The following SPEN variants were observed in gnomAD, a reference collection of about 807,000 sequenced individuals.
SPEN encodes spen family transcriptional repressor.
In SPEN, 18 loss-of-function variants were observed where a neutral mutation model predicts 269.9. The ratio of observed to expected loss-of-function variants is 0.07; its 90% CI spans 0.05 to 0.10. SPEN has a LOEUF of 0.10. Ranked by LOEUF, SPEN falls within the 10% of genes least tolerant of loss-of-function variation. The pLI is 1.00. For synonymous variants in SPEN, 1,726 were observed against 1,765.7 expected (o/e 0.98, Z 0.56); for missense variants, 3,822 against 4,631.2 (o/e 0.83, Z 5.07).
chr1:15,936,369 G>T lies in SPEN; in HGVS notation c.10026+103G>T, dbSNP rs185654876. On this transcript the variant is annotated intron_variant, in intron 11 of 14. Coordinates refer to ENST00000375759, the MANE Select transcript of SPEN (RefSeq NM_015001.3). The stretch of plus-strand genomic sequence containing the variant: ...GTGAAAGAAATCAGGGGCCAGGTGT[G>T]GTGGCTTATGCCTGTAATCCCAGCA... 2,167 of 1,411,276 alleles carry T rather than the reference G, an allele frequency of 1.5e-3. 9 individuals are homozygous for T. Among genetic ancestry groups the T allele is most frequent in the Middle Eastern group, 8.6e-3 (45 of 5,224 alleles). 87.4% of individuals were successfully genotyped at this position (1,411,276 alleles called of 1,614,324 possible).
chr1:15,882,036 T>G (rs999801611), intron 3 of SPEN, among the ~76,000 whole-genome samples: 1 of 152,168 alleles, frequency 6.6e-6, no homozygotes, highest in Non-Finnish European at 1.5e-5. Context: ...AGATTGCTAG[T>G]GGGGTATTTC....
intron 1 of SPEN, among the ~76,000 whole-genome samples, chr1:15,849,678 C>G (rs1385883426): frequency 1.3e-5 from 2 of 152,104 alleles, no homozygotes; most frequent in Non-Finnish European, 2.9e-5. Context: ...GGGGAGACCA[C>G]GGGCTGGATT....
In SPEN at chr1:15,935,277, G is replaced by A; in HGVS notation, c.9037G>A (p.Val3013Ile). 1 of 1,614,106 alleles carries A rather than the reference G, an allele frequency of 6.2e-7. No individual in the cohort carries two copies. Among genetic ancestry groups the A allele is most frequent in the African/African-American group, 1.3e-5 (1 of 75,004 alleles). ...SGPSIPADRT[V>I]SHLAAAKLDA... ...GCCCAGCATCCCAGCAGATCGAACTGTCTCCCATTTGGCAGCTGCAAAGCT... is the reference window on the plus strand; with the variant it reads ...GCCCAGCATCCCAGCAGATCGAACTATCTCCCATTTGGCAGCTGCAAAGCT... Residue 3013 changes from valine (V) to isoleucine (I), a missense_variant, in exon 11 of 15, where the codon GTC becomes ATC. By Grantham distance (29) the Val-to-Ile change is conservative (BLOSUM62 3). Coordinates refer to ENST00000375759, the MANE Select transcript of SPEN (RefSeq NM_015001.3). This position sits in a 1 kb window ranked among gnomAD's most constrained non-coding sequence, Gnocchi z 7.7.
intron 3 of SPEN, among the ~76,000 whole-genome samples, chr1:15,892,361 T>G (rs543734899): frequency 7.9e-5 from 12 of 152,322 alleles, no homozygotes; most frequent in African/African-American, 2.9e-4. Context: ...ATTTGAAAAT[T>G]AAAATTTTGT....
chr1:15,932,819 T>G lies in SPEN; in HGVS notation c.6579T>G (p.Asp2193Glu), dbSNP rs1195286100. ...EASASAAYKA[D>E]APEGLAPEDR... ...CTGCCTCTGCTGCCTATAAGGCAGA[T>G]GCACCAGAGGGCCTTGCCCCAGAGG... is the stretch of plus-strand genomic sequence containing the variant. Residue 2193 changes from aspartate to glutamate, a missense_variant, in exon 11 of 15, where the codon GAT becomes GAG. By Grantham distance (45) the Asp-to-Glu change is conservative (BLOSUM62 2). Around this residue, in one of 16 missense-constraint regions of SPEN, gnomAD observed 727 missense variants for 737.9 expected, o/e 0.99. Transcript: ENST00000375759. This position sits in a 1 kb window ranked among gnomAD's most constrained non-coding sequence, Gnocchi z 4.2. The G allele has an allele frequency of 6.2e-7, 1 of 1,614,204 alleles. No individual in the cohort carries two copies. The highest frequency in any genetic ancestry group is 8.5e-7 in the Non-Finnish European group (1 of 1,180,034).
At chr1:15,923,075 AAAAT>A (rs1019734932) in intron 10 of SPEN, among the ~76,000 whole-genome samples, 19 of 152,314 alleles carry the variant, frequency 1.2e-4, no homozygotes, top group South Asian at 1.0e-3. Flanking sequence ...TTTAACTTAA[AAAAT>A]AAATAAATAA....
chr1:15,929,455 T>G lies in SPEN; in HGVS notation c.3215T>G (p.Ile1072Ser), dbSNP rs771235065. The G allele has an allele frequency of 6.2e-7, 1 of 1,613,398 alleles. No homozygotes were observed. The highest frequency in any genetic ancestry group is 8.5e-7 in the Non-Finnish European group (1 of 1,179,686). The change falls in exon 11 of 15, where the codon ATT (isoleucine) becomes AGT (serine). Residue 1072 changes from isoleucine (I) to serine (S), a missense_variant. Physicochemically the swap from Ile to Ser is moderately radical, Grantham distance 142. This residue lies in a region of SPEN where 572 missense variants were observed against 582.6 expected (regional missense o/e 0.98). Coordinates refer to ENST00000375759, the MANE Select transcript of SPEN (RefSeq NM_015001.3). This position sits in a 1 kb window ranked among gnomAD's most constrained non-coding sequence, Gnocchi z 5.8. ...AAAGACTGTCAGGAGCTTGCCAGTA[T>G]TTCTGTTGGGTCTGGCTCAAGGCCC... is the stretch of plus-strand genomic sequence containing the variant. ...SPKDCQELAS[I>S]SVGSGSRPSS...
chr1:15,931,987 A>G lies in SPEN; in HGVS notation c.5747A>G (p.Asn1916Ser), dbSNP rs751269551. 1.7e-5 allele frequency: 28 copies of G among 1,614,040 alleles called. 1 individual carries two copies. The Admixed American group carries it at 4.7e-4, about 27-fold the overall frequency. Residue 1916 changes from asparagine (N) to serine (S), a missense_variant, in exon 11 of 15, where the codon AAC (asparagine) becomes AGC (serine). Coordinates refer to ENST00000375759, the MANE Select transcript of SPEN (RefSeq NM_015001.3). This position sits in a 1 kb window ranked among gnomAD's most constrained non-coding sequence, Gnocchi z 4.8. The part of the protein sequence containing the change: ...SVYATMGDHE[N>S]RSPVKEPVEQ... ...TATGCAACCATGGGTGACCATGAAA[A>G]CCGCTCTCCTGTCAAAGAGCCCGTT...
chr1:15,930,655 CAAATTTTCG>C lies in SPEN; in HGVS notation c.4419_4427del (p.Phe1474_Asn1476del). ...TTTCTTGATTGGGACTCCCGATTTG[CAAATTTTCG>C]AAACAACAAAGATAAAGAAAAGGTT... On this transcript the variant is annotated inframe_deletion, in exon 11 of 15. Coordinates refer to ENST00000375759, the MANE Select transcript of SPEN (RefSeq NM_015001.3). This position sits in a 1 kb window ranked among gnomAD's most constrained non-coding sequence, Gnocchi z 5.3. The C allele has an allele frequency of 6.2e-7, 1 of 1,614,080 alleles. No individual in the cohort carries two copies. The highest frequency in any genetic ancestry group is 8.5e-7 in the Non-Finnish European group (1 of 1,180,012).
intron 10 of SPEN, 152 bp from the exon 11 acceptor site, chr1:15,927,939 A>T: frequency 1.5e-6 from 1 of 688,164 alleles, no homozygotes; most frequent in Non-Finnish European, 2.4e-6. Flanking sequence ...TTGAAGCTAT[A>T]GTGGATAGCT....
rs2070294976 is a variant in SPEN at position 15,848,296 on chromosome 1, C to G, written c.83+146C>G. On this transcript the variant is annotated intron_variant, in intron 1 of 14. Transcript: ENST00000375759. The surrounding 1 kb of genome is among the most constrained non-coding windows in gnomAD (Gnocchi z 5.1). ...GCGCTGTGGGACCTCGTCAGCCGCT[C>G]GGCCCGCGTCGCGGCGTTGGGCCTC... The G allele has an allele frequency of 2.1e-5, 9 of 428,886 alleles. No individual in the cohort carries two copies. In the South Asian group the frequency reaches 1.0e-3, roughly 49 times the overall value. The allele number at this position is 428,886 out of a possible 1,614,324, so 26.6% of individuals were successfully genotyped here.
chr1:15,862,531 C>T (rs1013401149), intron 1 of SPEN, among the ~76,000 whole-genome samples: 19 of 152,098 alleles, frequency 1.2e-4, no homozygotes, highest in Admixed American at 1.1e-3. Flanking sequence ...TTTTTATTTG[C>T]TCTAACCAGT....
intron 5 of SPEN, 108 bp downstream of exon 5, chr1:15,911,409 TA>T (rs1330340434): frequency 4.9e-6 from 4 of 809,130 alleles, no homozygotes; most frequent in Non-Finnish European, 8.1e-6. Context: ...ATTCTGGCTT[TA>T]TTTATTGACA....
At chr1:15,916,510 CTTTTTTT>C (rs34713584) in intron 6 of SPEN, among the ~76,000 whole-genome samples, 2 of 113,544 alleles carry the variant, frequency 1.8e-5, no homozygotes, top group Non-Finnish European at 3.6e-5. Flanking sequence ...TTTCTTACCT[CTTTTTTT>C]TTTTTTTTTT....
intron 10 of SPEN, among the ~76,000 whole-genome samples, chr1:15,925,843 C>T (rs2071160964): frequency 6.6e-6 from 1 of 152,154 alleles, no homozygotes; most frequent in Non-Finnish European, 1.5e-5. Context: ...GTCTTACTCA[C>T]TTTATAATAT....
At position 15,928,781 on chromosome 1, in the gene SPEN, C is replaced by T; in HGVS notation, c.2541C>T (p.Ser847=). The change falls in exon 11 of 15, where the codon AGC becomes AGT. Residue 847 remains serine, a synonymous_variant. Transcript: ENST00000375759. This position sits in a 1 kb window ranked among gnomAD's most constrained non-coding sequence, Gnocchi z 5.7. ...ACCAAGAAAATGAGCGAGAGCAAAG[C>T]CCTGAAAAGCCCAGGAGTTGTAATA... is the stretch of plus-strand genomic sequence containing the variant. ...ETDQENEREQ[S]PEKPRSCNKL... The T allele has an allele frequency of 6.2e-7, 1 of 1,614,060 alleles. No individual in the cohort carries two copies. Among genetic ancestry groups the T allele is most frequent in the South Asian group, 1.1e-5 (1 of 91,070 alleles).
chr1:15,938,922 G>A, intron 14 of SPEN, 46 bp downstream of exon 14: 1 of 1,594,176 alleles, frequency 6.3e-7, no homozygotes, highest in Non-Finnish European at 8.5e-7. Flanking sequence ...CCACAGGTGG[G>A]GCTGATCAGG....
chr1:15,910,335 C>G (rs1484124260), intron 4 of SPEN, among the ~76,000 whole-genome samples: 5 of 151,920 alleles, frequency 3.3e-5, no homozygotes, highest in South Asian at 2.1e-4. Context: ...CACAAGACCC[C>G]CAGATGGTAT....
rs757842259 is a variant in SPEN at position 15,934,868 on chromosome 1, C to T, written c.8628C>T (p.Gly2876=). The T allele has an allele frequency of 6.2e-7, 1 of 1,614,190 alleles. No individual in the cohort carries two copies. Among genetic ancestry groups the T allele is most frequent in the South Asian group, 1.1e-5 (1 of 91,078 alleles). The change falls in exon 11 of 15, where the codon GGC becomes GGT. Residue 2876 remains glycine (G), a synonymous_variant. Transcript: ENST00000375759. The surrounding 1 kb of genome is among the most constrained non-coding windows in gnomAD (Gnocchi z 9.2). The part of the protein sequence containing the change: ...PPSKGPQAPA[G]YANVATHSTL... ...CCAAAGGCCCTCAAGCTCCTGCAGG[C>T]TATGCGAACGTGGCCACCCATTCCA... is the stretch of plus-strand genomic sequence containing the variant.
Sources: allele counts gnomAD v4.1 joint callset (sites outside exome capture counted in the v4.1 genomes callset), GRCh38; gene constraint gnomAD v4.1.1; regional missense constraint gnomAD v4.1.1; non-coding constraint Gnocchi (gnomAD v3.1); transcripts MANE v1.5; gene names NCBI Gene and HGNC (gene_info 2026-07-23, HGNC 2026-07-21).